Variants in PTTG2 observed in about 807,000 individuals in gnomAD.
PTTG2 encodes the protein pituitary tumor-transforming 2.
For synonymous variants in PTTG2, 90 were observed against 84.2 expected, an observed-to-expected ratio of 1.07 and a Z score of -0.37; for missense variants, 218 against 226.3, an observed-to-expected ratio of 0.96 and a Z score of 0.23.
In PTTG2 at chr4:37,960,606, A is replaced by G; in HGVS notation, c.172A>G (p.Lys58Glu). The G allele has an allele frequency of 6.2e-7, 1 of 1,614,180 alleles. No individual in the cohort carries two copies. The highest frequency in any genetic ancestry group is 8.5e-7 in the Non-Finnish European group (1 of 1,180,044). ...KTYDAPSALP[K>E]ATRKALGTVN... ...ATACGATGCTCCATCAGCCTTACCT[A>G]AAGCTACCAGAAAGGCTTTGGGCAC... Residue 58 changes from lysine to glutamate, a missense_variant, in exon 1 of 1, where the codon AAA becomes GAA. Lys to Glu is a moderately conservative substitution (Grantham distance 56). Coordinates refer to ENST00000504686, the MANE Select transcript of PTTG2 (RefSeq NM_006607.3).
Position 37,960,497 on chromosome 4 carries a change from G to C in PTTG2, c.63G>C (p.Lys21Asn). The change falls in exon 1 of 1, where the codon AAG becomes AAC. Residue 21 changes from lysine (K) to asparagine (N), a missense_variant. Lys to Asn is a moderately conservative substitution (Grantham distance 94). Coordinates refer to ENST00000504686, the MANE Select transcript of PTTG2 (RefSeq NM_006607.3). ...IGEPGTRVAA[K>N]DVLKLESRPS... ...AACCAGGCACCCGTGTGGCTGCCAA[G>C]GATGTGCTGAAGCTGGAGTCTAGAC... The C allele has an allele frequency of 6.2e-7, 1 of 1,614,110 alleles. No homozygotes were observed. The highest frequency in any genetic ancestry group is 8.5e-7 in the Non-Finnish European group (1 of 1,180,000).
In PTTG2 at chr4:37,960,415, G is replaced by C. The variant is rs372957622; in HGVS notation, c.-20G>C. 7 of 1,595,750 alleles carry C rather than the reference G, an allele frequency of 4.4e-6. No individual in the cohort carries two copies. The African/African-American group carries it at 9.4e-5, about 22-fold the overall frequency. On this transcript the variant is annotated 5_prime_UTR_variant, in exon 1 of 1. Coordinates refer to ENST00000504686, the MANE Select transcript of PTTG2 (RefSeq NM_006607.3). ...ACGGTCTTAGATGAATGTGGCTGTT[G>C]AGAGCGGCAATAATCCAGAATGGCT...
Position 37,960,536 on chromosome 4 carries a change from A to C in PTTG2, c.102A>C (p.Ala34=), listed in dbSNP as rs765817753. The C allele has an allele frequency of 6.2e-7, 1 of 1,614,198 alleles. No individual in the cohort carries two copies. The highest frequency in any genetic ancestry group is 8.5e-7 in the Non-Finnish European group (1 of 1,180,022). The change falls in exon 1 of 1, where the codon GCA becomes GCC. Residue 34 remains alanine (A), a synonymous_variant. Transcript: ENST00000504686. ...TGGAGTCTAGACCTTCAATCAAAGC[A>C]TTAGATGGGATATCTCAAGTTTTAA... ...LKLESRPSIK[A]LDGISQVLTR...
Position 37,960,620 on chromosome 4 carries a change from G to A in PTTG2, c.186G>A (p.Lys62=), listed in dbSNP as rs1172852898. ...CAGCCTTACCTAAAGCTACCAGAAA[G>A]GCTTTGGGCACTGTCAACAGAGCTA... The part of the protein sequence containing the change: ...APSALPKATR[K]ALGTVNRATE... Residue 62 remains lysine (K), a synonymous_variant, in exon 1 of 1, where the codon AAG becomes AAA. Transcript: ENST00000504686. The A allele has an allele frequency of 8.1e-6, 13 of 1,614,142 alleles. No homozygotes were observed. The highest frequency in any genetic ancestry group is 1.1e-5 in the Non-Finnish European group (13 of 1,180,040).
In PTTG2 at chr4:37,960,659, A is replaced by G; in HGVS notation, c.225A>G (p.Val75=). 2 of 1,614,230 alleles carry G rather than the reference A, an allele frequency of 1.2e-6. No individual in the cohort carries two copies. The highest frequency in any genetic ancestry group is 1.7e-6 in the Non-Finnish European group (2 of 1,180,030). Residue 75 remains valine (V), a synonymous_variant, in exon 1 of 1, where the codon GTA becomes GTG. Coordinates refer to ENST00000504686, the MANE Select transcript of PTTG2 (RefSeq NM_006607.3). ...TCAACAGAGCTACAGAAAAGTCAGTAAAGACCAATGGACCCAGAAAACAAA... is the reference window on the plus strand; with the variant it reads ...TCAACAGAGCTACAGAAAAGTCAGTGAAGACCAATGGACCCAGAAAACAAA... The part of the protein sequence containing the change: ...GTVNRATEKS[V]KTNGPRKQKQ...
Position 37,960,595 on chromosome 4 carries a change from C to T in PTTG2, c.161C>T (p.Ser54Leu), listed in dbSNP as rs559317651. ...RRFGKTYDAP[S>L]ALPKATRKAL... is the part of the protein sequence containing the mutation. ...TTTGGCAAAACATACGATGCTCCAT[C>T]AGCCTTACCTAAAGCTACCAGAAAG... Residue 54 changes from serine to leucine, a missense_variant, in exon 1 of 1, where the codon TCA becomes TTA. Transcript: ENST00000504686. The T allele has an allele frequency of 1.9e-6, 3 of 1,614,184 alleles. No homozygotes were observed. Among genetic ancestry groups the T allele is most frequent in the South Asian group, 2.2e-5 (2 of 91,090 alleles).
chr4:37,961,064 T>C lies in PTTG2; in HGVS notation c.*54T>C. ...ATTTAAATTTCTTAGTGCTTTGGAG[T>C]TTGTGTGTACTTGTATTAATAAAGC... On this transcript the variant is annotated 3_prime_UTR_variant, in exon 1 of 1. Transcript: ENST00000504686. The C allele has an allele frequency of 6.3e-7, 1 of 1,594,308 alleles. No individual in the cohort carries two copies. The highest frequency in any genetic ancestry group is 2.2e-5 in the East Asian group (1 of 44,758).
At position 37,960,663 on chromosome 4, in the gene PTTG2, A is replaced by G. The variant is rs764941579; in HGVS notation, c.229A>G (p.Thr77Ala). Residue 77 changes from threonine (T) to alanine (A), a missense_variant, in exon 1 of 1, where the codon ACC (threonine) becomes GCC (alanine). Coordinates refer to ENST00000504686, the MANE Select transcript of PTTG2 (RefSeq NM_006607.3). ...VNRATEKSVK[T>A]NGPRKQKQPS... The stretch of plus-strand genomic sequence containing the variant: ...CAGAGCTACAGAAAAGTCAGTAAAG[A>G]CCAATGGACCCAGAAAACAAAAACA... 1 of 1,614,234 alleles carries G rather than the reference A, an allele frequency of 6.2e-7. No homozygotes were observed. The highest frequency in any genetic ancestry group is 8.5e-7 in the Non-Finnish European group (1 of 1,180,038).
chr4:37,960,482 C>G lies in PTTG2; in HGVS notation c.48C>G (p.Thr16=). The G allele has an allele frequency of 6.2e-7, 1 of 1,613,938 alleles. No individual in the cohort carries two copies. Among genetic ancestry groups the G allele is most frequent in the Admixed American group, 1.7e-5 (1 of 59,990 alleles). ...ATAAGGAAATTGGAGAACCAGGCAC[C>G]CGTGTGGCTGCCAAGGATGTGCTGA... The part of the protein sequence containing the change: ...YVDKEIGEPG[T]RVAAKDVLKL... The change falls in exon 1 of 1, where the codon ACC becomes ACG. Residue 16 remains threonine, a synonymous_variant. Transcript: ENST00000504686.
In PTTG2 at chr4:37,960,629, C is replaced by T; in HGVS notation, c.195C>T (p.Gly65=). 1.9e-6 allele frequency: 3 copies of T among 1,614,166 alleles called. No individual in the cohort carries two copies. The highest frequency in any genetic ancestry group is 2.5e-6 in the Non-Finnish European group (3 of 1,180,034). ...CTAAAGCTACCAGAAAGGCTTTGGG[C>T]ACTGTCAACAGAGCTACAGAAAAGT... ...ALPKATRKAL[G]TVNRATEKSV... The change falls in exon 1 of 1, where the codon GGC becomes GGT. Residue 65 remains glycine (G), a synonymous_variant. Transcript: ENST00000504686.
chr4:37,960,701 T>C lies in PTTG2; in HGVS notation c.267T>C (p.Ser89=). 2 of 1,614,238 alleles carry C rather than the reference T, an allele frequency of 1.2e-6. No homozygotes were observed. The highest frequency in any genetic ancestry group is 1.7e-6 in the Non-Finnish European group (2 of 1,180,034). ...GPRKQKQPSF[S]AKKMTEKTVK... ...GAAAACAAAAACAGCCAAGCTTTTC[T>C]GCCAAAAAGATGACCGAGAAGACTG... The change falls in exon 1 of 1, where the codon TCT becomes TCC. Residue 89 remains serine (S), a synonymous_variant. Coordinates refer to ENST00000504686, the MANE Select transcript of PTTG2 (RefSeq NM_006607.3).
Position 37,960,695 on chromosome 4 carries a change from C to A in PTTG2, c.261C>A (p.Ser87Arg), listed in dbSNP as rs541513996. The A allele has an allele frequency of 4.2e-5, 68 of 1,614,182 alleles. No individual in the cohort carries two copies. Among genetic ancestry groups the A allele is most frequent in the Middle Eastern group, 1.6e-4 (1 of 6,062 alleles). Residue 87 changes from serine (S) to arginine (R), a missense_variant, in exon 1 of 1, where the codon AGC becomes AGA. Physicochemically the swap from Ser to Arg is moderately radical, Grantham distance 110 (BLOSUM62 -1). Coordinates refer to ENST00000504686, the MANE Select transcript of PTTG2 (RefSeq NM_006607.3). ...GACCCAGAAAACAAAAACAGCCAAG[C>A]TTTTCTGCCAAAAAGATGACCGAGA... ...TNGPRKQKQPSFSAKKMTEKT... is the reference protein window; with the variant it reads ...TNGPRKQKQPRFSAKKMTEKT...
At position 37,960,860 on chromosome 4, in the gene PTTG2, T is replaced by C. The variant is rs767006821; in HGVS notation, c.426T>C (p.Ser142=). The change falls in exon 1 of 1, where the codon AGT becomes AGC. Residue 142 remains serine (S), a synonymous_variant. Transcript: ENST00000504686. ...GCCAGATTGCACACCTCCCCTTGAG[T>C]GGAGTGCCTCTCATGATCCTTGATG... ...EERQIAHLPL[S]GVPLMILDEE... The C allele has an allele frequency of 4.3e-6, 7 of 1,614,136 alleles. No homozygotes were observed. The highest frequency in any genetic ancestry group is 5.1e-6 in the Non-Finnish European group (6 of 1,179,996).
rs982602890 is a variant in PTTG2, at chr4:37,960,924, C to A, written c.490C>A (p.Pro164Thr). The A allele has an allele frequency of 5.6e-6, 9 of 1,614,006 alleles. No homozygotes were observed. In the African/African-American group the frequency reaches 1.2e-4, roughly 22 times the overall value. ...ELEKLFQLGP[P>T]SPVKMPSPPW... ...TGAAAAGCTGTTTCAGCTGGGCCCCCCTTCACCTGTGAAAATGCCCTCTCC... is the reference window on the plus strand; with the variant it reads ...TGAAAAGCTGTTTCAGCTGGGCCCCACTTCACCTGTGAAAATGCCCTCTCC... Residue 164 changes from proline (P) to threonine (T), a missense_variant, in exon 1 of 1, where the codon CCT becomes ACT. By Grantham distance (38) the Pro-to-Thr change is conservative. Coordinates refer to ENST00000504686, the MANE Select transcript of PTTG2 (RefSeq NM_006607.3).
chr4:37,960,538 T>C lies in PTTG2; in HGVS notation c.104T>C (p.Leu35Ser). 6.2e-7 allele frequency: 1 copy of C among 1,614,140 alleles called. No homozygotes were observed. Among genetic ancestry groups the C allele is most frequent in the South Asian group, 1.1e-5 (1 of 91,084 alleles). Residue 35 changes from leucine (L) to serine (S), a missense_variant, in exon 1 of 1, where the codon TTA becomes TCA. Physicochemically the swap from Leu to Ser is moderately radical, Grantham distance 145. Transcript: ENST00000504686. ...KLESRPSIKA[L>S]DGISQVLTRR... ...GAGTCTAGACCTTCAATCAAAGCATTAGATGGGATATCTCAAGTTTTAACA... is the reference window on the plus strand; with the variant it reads ...GAGTCTAGACCTTCAATCAAAGCATCAGATGGGATATCTCAAGTTTTAACA...
Position 37,960,633 on chromosome 4 carries a change from G to A in PTTG2, c.199G>A (p.Val67Ile). ...AGCTACCAGAAAGGCTTTGGGCACT[G>A]TCAACAGAGCTACAGAAAAGTCAGT... is the stretch of plus-strand genomic sequence containing the variant. ...PKATRKALGTVNRATEKSVKT... is the reference protein window; with the variant it reads ...PKATRKALGTINRATEKSVKT... The change falls in exon 1 of 1, where the codon GTC becomes ATC. Residue 67 changes from valine to isoleucine, a missense_variant. Physicochemically the swap from Val to Ile is conservative, Grantham distance 29 (BLOSUM62 3). Transcript: ENST00000504686. 6.2e-7 allele frequency: 1 copy of A among 1,614,168 alleles called. No homozygotes were observed. Among genetic ancestry groups the A allele is most frequent in the East Asian group, 2.2e-5 (1 of 44,888 alleles).
rs200727508 is a variant in PTTG2 at position 37,960,713 on chromosome 4, G to A, written c.279G>A (p.Met93Ile). ...AGCCAAGCTTTTCTGCCAAAAAGAT[G>A]ACCGAGAAGACTGTTAAAACAAAAA... The part of the protein sequence containing the change: ...QKQPSFSAKK[M>I]TEKTVKTKSS... The change falls in exon 1 of 1, where the codon ATG (methionine) becomes ATA (isoleucine). Residue 93 changes from methionine to isoleucine, a missense_variant. Transcript: ENST00000504686. 1.4e-4 allele frequency: 228 copies of A among 1,614,046 alleles called. No homozygotes were observed. The highest frequency in any genetic ancestry group is 6.6e-4 in the Middle Eastern group (4 of 6,084).
Position 37,960,993 on chromosome 4 carries a change from G to C in PTTG2, c.559G>C (p.Val187Leu). The change falls in exon 1 of 1, where the codon GTC (valine) becomes CTC (leucine). Residue 187 changes from valine to leucine, a missense_variant. Transcript: ENST00000504686. ...GTTTGCAGTCTCCTTCAAGCATTCT[G>C]TCGACCCTGGATGTTGAATTGCCAG... ...NLFAVSFKHS[V>L]DPGC 1 of 1,614,136 alleles carries C rather than the reference G, an allele frequency of 6.2e-7. No individual in the cohort carries two copies. The highest frequency in any genetic ancestry group is 8.5e-7 in the Non-Finnish European group (1 of 1,180,012).
chr4:37,961,017 A>G lies in PTTG2; in HGVS notation c.*7A>G, dbSNP rs1729940017. The G allele has an allele frequency of 1.9e-6, 3 of 1,614,092 alleles. No homozygotes were observed. Among genetic ancestry groups the G allele is most frequent in the Non-Finnish European group, 2.5e-6 (3 of 1,179,940 alleles). On this transcript the variant is annotated 3_prime_UTR_variant, in exon 1 of 1. Coordinates refer to ENST00000504686, the MANE Select transcript of PTTG2 (RefSeq NM_006607.3). Reference sequence around the variant, plus strand: ...TGTCGACCCTGGATGTTGAATTGCCAGCTGTTTGCTATGACATAGATATTT... The same window carrying G: ...TGTCGACCCTGGATGTTGAATTGCCGGCTGTTTGCTATGACATAGATATTT...
Sources: allele counts gnomAD v4.1 joint callset, GRCh38; gene constraint gnomAD v4.1.1; transcripts MANE v1.5; gene names NCBI Gene and HGNC (gene_info 2026-07-23, HGNC 2026-07-21).